AGXT2: variants seen among roughly 807,000 people sequenced by gnomAD.
AGXT2 encodes alanine--glyoxylate aminotransferase 2, mitochondrial.
A neutral mutation model predicts 62.5 loss-of-function variants in AGXT2; 61 were observed. The ratio of observed to expected loss-of-function variants is 0.98; its 90% CI spans 0.79 to 1.21. AGXT2 has a LOEUF of 1.21. Among genes scored for constraint, AGXT2 ranks in the 50% most tolerant of loss-of-function variants. AGXT2 has a pLI of 0.00. For missense variants in AGXT2, 666 were observed against 641.5 expected, an observed-to-expected ratio of 1.04 and a Z score of -0.41; for synonymous variants, 243 against 218.7, an observed-to-expected ratio of 1.11 and a Z score of -0.98.
At chr5:35,005,500 C>T (rs922638883) in intron 12 of AGXT2, among the ~76,000 whole-genome samples, 1 of 152,148 alleles carries the variant, frequency 6.6e-6, no homozygotes, top group Non-Finnish European at 1.5e-5. Flanking sequence ...GCTGGGATTA[C>T]AGGTGTGAGC....
At chr5:35,004,946 G>A (rs1338535255) in intron 12 of AGXT2, among the ~76,000 whole-genome samples, 1 of 152,178 alleles carries the variant, frequency 6.6e-6, no homozygotes, top group Admixed American at 6.5e-5. Context: ...TGTGCATTTT[G>A]TTCTGTCTTA....
chr5:35,005,944 C>T (rs1419006693), intron 12 of AGXT2, among the ~76,000 whole-genome samples: 1 of 152,130 alleles, frequency 6.6e-6, no homozygotes, highest in African/African-American at 2.4e-5. Context: ...CTATCCTATT[C>T]CTAGGGACAC....
intron 13 of AGXT2, 63 bp from the exon 14 acceptor site, chr5:34,998,889 A>G (rs1766126376): frequency 8.0e-7 from 1 of 1,251,044 alleles, no homozygotes; most frequent in Non-Finnish European, 1.2e-6. Context: ...CTTTGAGGAA[A>G]TGCACTAAAC....
At chr5:35,011,732 A>T (rs1167964574) in intron 11 of AGXT2, among the ~76,000 whole-genome samples, 1 of 152,150 alleles carries the variant, frequency 6.6e-6, no homozygotes, top group Non-Finnish European at 1.5e-5. Context: ...AAGAACTAAA[A>T]GTAGTTCTAT....
chr5:35,000,112 C>T (rs1766173786), intron 13 of AGXT2, among the ~76,000 whole-genome samples: 2 of 152,176 alleles, frequency 1.3e-5, no homozygotes, highest in African/African-American at 4.8e-5. Context: ...CCCCCATTCA[C>T]ATCTCAATTG....
chr5:35,023,496 A>C (rs1052481875), intron 9 of AGXT2, among the ~76,000 whole-genome samples: 2 of 152,158 alleles, frequency 1.3e-5, no homozygotes, highest in Admixed American at 1.3e-4. Context: ...CAAGACAGAA[A>C]ATTTTGAAAT....
intron 7 of AGXT2, among the ~76,000 whole-genome samples, chr5:35,028,428 C>G (rs1227158225): frequency 3.3e-5 from 5 of 152,146 alleles, no homozygotes; most frequent in African/African-American, 1.2e-4. Context: ...GACACACAGG[C>G]ATGAAATCCT....
At chr5:35,011,952 ACACACG>A (rs1181891979) in intron 11 of AGXT2, among the ~76,000 whole-genome samples, 3 of 145,632 alleles carry the variant, frequency 2.1e-5, no homozygotes, top group Non-Finnish European at 4.5e-5. Flanking sequence ...ACACACACAC[ACACACG>A]CCATGGAATA....
At chr5:35,013,327 A>T (rs563444197) in intron 10 of AGXT2, among the ~76,000 whole-genome samples, 1 of 152,314 alleles carries the variant, frequency 6.6e-6, no homozygotes, top group Non-Finnish European at 1.5e-5. Flanking sequence ...AAGCCCAAGG[A>T]ACTGGTTTTC....
chr5:35,026,026 T>C (rs747453087), intron 8 of AGXT2, 171 bp from the exon 9 acceptor site: 1 of 654,240 alleles, frequency 1.5e-6, no homozygotes, highest in Non-Finnish European at 2.7e-6. Context: ...TATTACTCTA[T>C]ACCATGACTT....
At chr5:35,040,370 C>G (rs1423157877) in intron 2 of AGXT2, among the ~76,000 whole-genome samples, 1 of 152,168 alleles carries the variant, frequency 6.6e-6, no homozygotes, top group African/African-American at 2.4e-5. Flanking sequence ...GTCTCTATCT[C>G]TCACACATGG....
intron 3 of AGXT2, among the ~76,000 whole-genome samples, chr5:35,037,371 C>G (rs1014707628): frequency 6.6e-6 from 1 of 152,180 alleles, no homozygotes. Context: ...TCTAGCTATG[C>G]TTTCTTATTA....
chr5:35,032,727 C>A lies in AGXT2; in HGVS notation c.769+5G>T, dbSNP rs369180580. ...TCCACTGGCACCCCCCTTGCCCAGTCGGACCTGGTGCACAGCTGCACTTCC... is the reference window on the plus strand; with the variant it reads ...TCCACTGGCACCCCCCTTGCCCAGTAGGACCTGGTGCACAGCTGCACTTCC... On this transcript the variant is annotated splice_donor_5th_base_variant and intron_variant, in intron 7 of 13. Transcript: ENST00000231420. The A allele has an allele frequency of 1.9e-6, 3 of 1,602,252 alleles. No homozygotes were observed. The highest frequency in any genetic ancestry group is 1.1e-5 in the South Asian group (1 of 88,870).
At chr5:35,033,288 G>A (rs1013746163) in intron 6 of AGXT2, 172 bp downstream of exon 6, 3 of 638,796 alleles carry the variant, frequency 4.7e-6, no homozygotes, top group East Asian at 5.6e-5. Flanking sequence ...AGACTCGGAA[G>A]GCCTTTCTAA....
rs866761695 is a variant in AGXT2 at position 35,025,660 on chromosome 5, G to A, written c.963+103C>T. On this transcript the variant is annotated intron_variant, in intron 9 of 13. Coordinates refer to ENST00000231420, the MANE Select transcript of AGXT2 (RefSeq NM_031900.4). ...TTGTAGGCAAACTTTGGAATTCACA[G>A]AGCAGAGGCTTTCTGCCTGGAACAC... 4 of 1,244,936 alleles carry A rather than the reference G, an allele frequency of 3.2e-6. No homozygotes were observed. The African/African-American group carries it at 4.4e-5, about 14-fold the overall frequency. 77.1% of individuals were successfully genotyped at this position (1,244,936 alleles called of 1,614,324 possible).
At chr5:35,040,987 T>A (rs1425258918) in intron 1 of AGXT2, among the ~76,000 whole-genome samples, 1 of 152,060 alleles carries the variant, frequency 6.6e-6, no homozygotes, top group Non-Finnish European at 1.5e-5. Context: ...CTTCTGCTAG[T>A]GCAATGCGTT....
intron 2 of AGXT2, among the ~76,000 whole-genome samples, 178 bp downstream of exon 2, chr5:35,040,397 T>A (rs1003604207): frequency 2.6e-5 from 4 of 152,218 alleles, no homozygotes; most frequent in African/African-American, 9.6e-5. Context: ...ATTTATACAC[T>A]AGCATTAAGG....
At chr5:35,033,330 G>A in intron 6 of AGXT2, 130 bp downstream of exon 6, 1 of 756,480 alleles carries the variant, frequency 1.3e-6, no homozygotes, top group South Asian at 1.5e-5. Flanking sequence ...AATTCAATTA[G>A]GTCAAATTGA....
intron 9 of AGXT2, among the ~76,000 whole-genome samples, chr5:35,017,961 G>T (rs888171999): frequency 6.6e-5 from 10 of 152,206 alleles, no homozygotes; most frequent in African/African-American, 1.4e-4. Flanking sequence ...TCAACTGGAA[G>T]AAAGGGTATC....
Sources: allele counts gnomAD v4.1 joint callset (sites outside exome capture counted in the v4.1 genomes callset), GRCh38; gene constraint gnomAD v4.1.1; transcripts MANE v1.5; gene names NCBI Gene and HGNC (gene_info 2026-07-23, HGNC 2026-07-21).